The following DGKI variants were observed in gnomAD, a reference collection of about 807,000 sequenced individuals.
DGKI encodes DAG kinase iota.
In DGKI, 55 loss-of-function variants were observed where a neutral mutation model predicts 147.5. The ratio of observed to expected loss-of-function variants is 0.37; its 90% CI spans 0.30 to 0.47. DGKI has a LOEUF of 0.47. Ranked by LOEUF, DGKI falls within the 20% of genes least tolerant of loss-of-function variation. The pLI, the probability that DGKI is intolerant of heterozygous loss-of-function variation, is 1.00. For missense variants in DGKI, 1,007 were observed against 1,323.8 expected (o/e 0.76, Z 3.71); for synonymous variants, 469 against 477.1 (o/e 0.98, Z 0.22).
intron 17 of DGKI, among the ~76,000 whole-genome samples, chr7:137,573,365 T>A (rs1333303465): frequency 6.6e-6 from 1 of 152,218 alleles, no homozygotes; most frequent in Non-Finnish European, 1.5e-5. Context: ...TACCGCAAAC[T>A]TTTGAAAAGA....
At chr7:137,577,480 TAC>T (rs1443452781) in intron 16 of DGKI, among the ~76,000 whole-genome samples, 196 bp from the exon 17 acceptor site, 1 of 152,224 alleles carries the variant, frequency 6.6e-6, no homozygotes, top group Non-Finnish European at 1.5e-5. Flanking sequence ...AACTATAATT[TAC>T]AGTTTCACTA....
chr7:137,708,758 T>C (rs1450182588), intron 1 of DGKI, among the ~76,000 whole-genome samples: 1 of 152,152 alleles, frequency 6.6e-6, no homozygotes, highest in Non-Finnish European at 1.5e-5. Flanking sequence ...TGCTAATAGA[T>C]ATAGATCTGC....
intron 8 of DGKI, among the ~76,000 whole-genome samples, chr7:137,612,650 G>A (rs1820405237): frequency 6.6e-6 from 1 of 152,090 alleles, no homozygotes; most frequent in Admixed American, 6.6e-5. Context: ...GTGTTGTTGA[G>A]AGAGTTAAAC....
At chr7:137,743,101 A>G (rs1795228002) in intron 1 of DGKI, among the ~76,000 whole-genome samples, 1 of 152,254 alleles carries the variant, frequency 6.6e-6, no homozygotes, top group East Asian at 1.9e-4. Context: ...ATATATACGT[A>G]CCCAACATTG....
Position 137,479,821 on chromosome 7 carries a change from T to A in DGKI, c.2373+5553A>T, listed in dbSNP as rs7808760. ...AAATTCTCATCTGTCTGCCCCAACA[T>A]CTCCCACATACAAGCCATCTATCCA... On this transcript the variant is annotated intron_variant, in intron 23 of 32. Transcript: ENST00000614521. 8.1e-3 allele frequency among the ~76,000 whole-genome samples: 1,235 copies of A among 152,202 alleles called. 16 individuals carry two copies. The highest frequency in any genetic ancestry group is 0.028 in the African/African-American group (1,167 of 41,534).
At chr7:137,704,303 A>G (rs965851324) in intron 1 of DGKI, among the ~76,000 whole-genome samples, 1 of 152,242 alleles carries the variant, frequency 6.6e-6, no homozygotes, top group African/African-American at 2.4e-5. Context: ...GAGAATATCA[A>G]TAAAGAGACA....
At chr7:137,765,835 GC>G (rs1414449005) in intron 1 of DGKI, among the ~76,000 whole-genome samples, 1 of 152,104 alleles carries the variant, frequency 6.6e-6, no homozygotes, top group Non-Finnish European at 1.5e-5. Flanking sequence ...CTTCCCACTG[GC>G]TAAAGAGAGA....
intron 1 of DGKI, among the ~76,000 whole-genome samples, chr7:137,727,319 T>C (rs965507164): frequency 1.9e-4 from 29 of 152,160 alleles, no homozygotes; most frequent in African/African-American, 7.0e-4. Flanking sequence ...CATTTCTAAA[T>C]ATGTAATATG....
At chr7:137,483,106 C>G (rs149949373) in intron 23 of DGKI, among the ~76,000 whole-genome samples, 1 of 152,032 alleles carries the variant, frequency 6.6e-6, no homozygotes, top group Admixed American at 6.6e-5. Context: ...ACAATACATG[C>G]AATACATAAC....
At chr7:137,574,127 G>A (rs908484090) in intron 17 of DGKI, among the ~76,000 whole-genome samples, 4 of 152,110 alleles carry the variant, frequency 2.6e-5, no homozygotes, top group Admixed American at 6.6e-5. Context: ...TAGTGGTCAG[G>A]TTGTCTCCAG....
intron 1 of DGKI, among the ~76,000 whole-genome samples, chr7:137,803,079 C>T (rs144879947): frequency 2.6e-5 from 4 of 152,122 alleles, no homozygotes; most frequent in Non-Finnish European, 4.4e-5. Context: ...CAGGGCAGGT[C>T]GCTTGCATTA....
chr7:137,709,761 A>T (rs914134759), intron 1 of DGKI, among the ~76,000 whole-genome samples: 87 of 152,266 alleles, frequency 5.7e-4, no homozygotes, highest in African/African-American at 2.0e-3. Context: ...AAGCCAGCAA[A>T]AACTCCAGAA....
rs150587275 is a variant in DGKI at position 137,790,702 on chromosome 7, A to G, written c.401+55760T>C. 3.2e-4 allele frequency among the ~76,000 whole-genome samples: 48 copies of G among 152,330 alleles called. No individual in the cohort carries two copies. The East Asian group carries it at 8.9e-3, about 28-fold the overall frequency. ...GCAGGACTCAGAAGATGGCTGGTGC[A>G]TGAATCCCATTCTCTCCCTGCTAAC... On this transcript the variant is annotated intron_variant, in intron 1 of 32. Coordinates refer to ENST00000614521, the MANE Select transcript of DGKI (RefSeq NM_001321708.2).
intron 24 of DGKI, among the ~76,000 whole-genome samples, chr7:137,468,976 T>C (rs1814770456): frequency 6.6e-6 from 1 of 152,138 alleles, no homozygotes; most frequent in Admixed American, 6.5e-5. Context: ...GATAGAAATG[T>C]AGTATTAGGC....
chr7:137,706,591 G>C (rs1274237669), intron 1 of DGKI, among the ~76,000 whole-genome samples: 1 of 78,834 alleles, frequency 1.3e-5, no homozygotes, highest in Non-Finnish European at 2.6e-5. Context: ...TTTTTTTTTT[G>C]AGACACAGTC....
At chr7:137,449,083 C>G (rs1404305035) in intron 27 of DGKI, among the ~76,000 whole-genome samples, 21 of 152,118 alleles carry the variant, frequency 1.4e-4, no homozygotes, top group Non-Finnish European at 2.9e-5. Context: ...CCTAGAGATT[C>G]TACGTAATTC....
In DGKI at chr7:137,753,308, T is replaced by C. The variant is rs575628976; in HGVS notation, c.402-63306A>G. On this transcript the variant is annotated intron_variant, in intron 1 of 32. Transcript: ENST00000614521. ...CTTCCAGACAGAGAGTCTCTGGTGC[T>C]AGACACTGCCCCGGAAAGTGGATTA... Among the ~76,000 whole-genome samples, 5 of 152,342 alleles carry C rather than the reference T, an allele frequency of 3.3e-5. No homozygotes were observed. In the East Asian group the frequency reaches 9.6e-4, roughly 29 times the overall value.
intron 2 of DGKI, among the ~76,000 whole-genome samples, chr7:137,679,409 T>C (rs1038996275): frequency 6.6e-6 from 1 of 151,828 alleles, no homozygotes; most frequent in Non-Finnish European, 1.5e-5. Flanking sequence ...AAACTGTTTT[T>C]TTTTTTTTTT....
intron 28 of DGKI, among the ~76,000 whole-genome samples, 167 bp downstream of exon 28, chr7:137,443,910 G>A (rs1813610601): frequency 6.6e-6 from 1 of 152,130 alleles, no homozygotes; most frequent in Admixed American, 6.6e-5. Flanking sequence ...AATTCAGCTA[G>A]GGTGATTTAA....
Sources: gnomAD v4.1 joint callset for allele counts (sites outside exome capture counted in the v4.1 genomes callset) on GRCh38, gnomAD v4.1.1 for gene constraint, MANE v1.5 for transcripts, NCBI Gene and HGNC (gene_info 2026-07-23, HGNC 2026-07-21) for gene names.